The following HEPH variants were observed in gnomAD, a reference collection of about 807,000 sequenced individuals.
The protein encoded by HEPH is hephaestin.
Under a neutral mutation model 80.8 loss-of-function variants are expected in HEPH, and 69 were observed. That is an observed-to-expected ratio of 0.85 (90% CI 0.70 to 1.04). The LOEUF (loss-of-function observed/expected upper bound fraction) is 1.04, where lower values mean the gene tolerates loss of function less well. HEPH is among the 50% of genes least tolerant of loss of function. The pLI is 0.00. For synonymous variants in HEPH, 431 were observed against 322.8 expected, an observed-to-expected ratio of 1.34 and a Z score of -3.60; for missense variants, 1,115 against 891.3, an observed-to-expected ratio of 1.25 and a Z score of -3.20.
At chrX:66,242,035 C>T (rs1441067947) in intron 15 of HEPH, among the ~76,000 whole-genome samples, 4 of 107,538 alleles carry the variant, frequency 3.7e-5, no homozygotes, top group Non-Finnish European at 7.7e-5. Flanking sequence ...TATATATGAG[C>T]CAAAAAATAG....
intron 15 of HEPH, among the ~76,000 whole-genome samples, chrX:66,238,092 A>T (rs2148061416): frequency 8.9e-6 from 1 of 111,864 alleles, no homozygotes; most frequent in African/African-American, 3.2e-5. Flanking sequence ...TGTGTCTTTT[A>T]AATGGGGGCC....
intron 9 of HEPH, 34 bp downstream of exon 9, chrX:66,195,263 C>T (rs1420868431): frequency 1.9e-6 from 2 of 1,073,270 alleles, no homozygotes; most frequent in Non-Finnish European, 2.4e-6. Context: ...AATGTGGGCT[C>T]TAGGTGGTAC....
downstream of HEPH, chrX:66,268,479 GT>G (rs1424855825): frequency 8.9e-6 from 1 of 111,971 alleles, no homozygotes; most frequent in Non-Finnish European, 1.9e-5. Context: ...AAGAGTTAGT[GT>G]TTAGGCCATT....
chrX:66,258,060 C>T (rs1187651398), intron 17 of HEPH, among the ~76,000 whole-genome samples: 1 of 111,564 alleles, frequency 9.0e-6, no homozygotes, highest in Non-Finnish European at 1.9e-5. Context: ...ATTTTTTTAA[C>T]ATTTATTGTA....
intron 4 of HEPH, among the ~76,000 whole-genome samples, chrX:66,183,487 G>C (rs1486599163): frequency 3.7e-5 from 1 of 27,045 alleles, no homozygotes; most frequent in Admixed American, 5.2e-4. Context: ...GTTTATTTGC[G>C]TAGAGGTGTT....
chrX:66,264,923 A>G (rs895160269), intron 20 of HEPH, among the ~76,000 whole-genome samples: 1 of 108,367 alleles, frequency 9.2e-6, no homozygotes, highest in African/African-American at 3.3e-5. Context: ...ATATACATAC[A>G]TATTTTGTGT....
intron 15 of HEPH, among the ~76,000 whole-genome samples, chrX:66,209,934 T>G (rs951622391): frequency 9.0e-6 from 1 of 111,480 alleles, no homozygotes; most frequent in Admixed American, 9.5e-5. Flanking sequence ...CTTACAGATC[T>G]GGAGCCCAGG....
chrX:66,205,697 G>T (rs754541261), intron 13 of HEPH, among the ~76,000 whole-genome samples: 3 of 109,495 alleles, frequency 2.7e-5, no homozygotes, highest in Non-Finnish European at 5.7e-5. Flanking sequence ...CCAGGTTCAA[G>T]CAATTCTCCT....
intron 15 of HEPH, among the ~76,000 whole-genome samples, chrX:66,238,685 C>A (rs905562503): frequency 4.5e-5 from 5 of 111,461 alleles, no homozygotes; most frequent in Non-Finnish European, 9.4e-5. Flanking sequence ...ACATTTTTTT[C>A]TTTTATTTTG....
At chrX:66,179,205 C>A (rs1359614732) in intron 4 of HEPH, among the ~76,000 whole-genome samples, 2 of 111,988 alleles carry the variant, frequency 1.8e-5, no homozygotes, top group African/African-American at 6.5e-5. Flanking sequence ...AACAGGGAAT[C>A]CTTTCGCCAT....
intron 6 of HEPH, among the ~76,000 whole-genome samples, 194 bp from the exon 7 acceptor site, chrX:66,191,936 A>G (rs1602275012): frequency 9.0e-6 from 1 of 111,354 alleles, no homozygotes; most frequent in Admixed American, 9.6e-5. Flanking sequence ...AAGTGGAGGT[A>G]CCTGAATTCT....
At position 66,188,527 on chromosome X, in the gene HEPH, G is replaced by C; in HGVS notation, c.794G>C (p.Ser265Thr). ...VDKEDETFQE[S>T]NRMHAINGFV... Reference sequence around the variant, plus strand: ...AAAGAAGATGAGACATTTCAGGAGAGCAATAGGATGCATGGTGAGTTGGGA... The same window carrying C: ...AAAGAAGATGAGACATTTCAGGAGACCAATAGGATGCATGGTGAGTTGGGA... Residue 265 changes from serine (S) to threonine (T), a missense_variant, in exon 5 of 21, where the codon AGC becomes ACC. By Grantham distance (58) the Ser-to-Thr change is moderately conservative. Coordinates refer to ENST00000343002, the MANE Select transcript of HEPH (RefSeq NM_001367233.3). The C allele has an allele frequency of 8.3e-7, 1 of 1,205,948 alleles. No homozygotes were observed. The highest frequency in any genetic ancestry group is 1.1e-6 in the Non-Finnish European group (1 of 892,370).
intron 19 of HEPH, among the ~76,000 whole-genome samples, chrX:66,261,559 G>C (rs1378674913): frequency 2.1e-5 from 2 of 95,028 alleles, no homozygotes; most frequent in Non-Finnish European, 4.2e-5. Flanking sequence ...TTTTTTCTAT[G>C]CTTTTAAAGA....
At chrX:66,264,917 A>G (rs946280085) in intron 20 of HEPH, among the ~76,000 whole-genome samples, 8 of 108,202 alleles carry the variant, frequency 7.4e-5, no homozygotes, top group African/African-American at 2.3e-4. Context: ...TTGTATATAT[A>G]CATACATATT....
At chrX:66,200,871 T>C in intron 12 of HEPH, 119 bp downstream of exon 12, 1 of 528,153 alleles carries the variant, frequency 1.9e-6, no homozygotes, top group Admixed American at 3.9e-5. Context: ...TCTAGGAAGT[T>C]TTTAAAAACA....
At chrX:66,239,093 C>T (rs1374102965) in intron 15 of HEPH, among the ~76,000 whole-genome samples, 4 of 112,423 alleles carry the variant, frequency 3.6e-5, no homozygotes, top group Non-Finnish European at 7.5e-5. Flanking sequence ...CACAGTGCTG[C>T]AGATATTTTG....
At chrX:66,233,072 A>C (rs1280830512) in intron 15 of HEPH, among the ~76,000 whole-genome samples, 12 of 111,845 alleles carry the variant, frequency 1.1e-4, no homozygotes, top group African/African-American at 3.9e-4. Flanking sequence ...GGCTTACTTA[A>C]GTAAAAATGC....
At chrX:66,216,968 A>G (rs949867890) in intron 15 of HEPH, among the ~76,000 whole-genome samples, 6 of 111,574 alleles carry the variant, frequency 5.4e-5, no homozygotes, top group African/African-American at 1.9e-4. Flanking sequence ...TTTTAAATTA[A>G]CTCAATCCAA....
chrX:66,211,777 G>T (rs935503297), intron 15 of HEPH, among the ~76,000 whole-genome samples: 1 of 111,312 alleles, frequency 9.0e-6, no homozygotes, highest in African/African-American at 3.3e-5. Flanking sequence ...CTTTATTATT[G>T]TGAATAGTGC....
Sources: gnomAD v4.1 joint callset for allele counts (sites outside exome capture counted in the v4.1 genomes callset) on GRCh38, gnomAD v4.1.1 for gene constraint, MANE v1.5 for transcripts, NCBI Gene and HGNC (gene_info 2026-07-23, HGNC 2026-07-21) for gene names.